The following FHAD1 variants were observed in gnomAD, a reference collection of about 807,000 sequenced individuals.
The protein encoded by FHAD1 is forkhead associated phosphopeptide binding domain 1.
Under a neutral mutation model 191.3 loss-of-function variants are expected in FHAD1, and 146 were observed. That is an observed-to-expected ratio of 0.76 (90% CI 0.67 to 0.88). FHAD1 has a LOEUF of 0.88. Ranked by LOEUF, FHAD1 falls within the 40% of genes least tolerant of loss-of-function variation. FHAD1 has a pLI of 0.00. For synonymous variants in FHAD1, 616 were observed against 672.3 expected (o/e 0.92, Z 1.29); for missense variants, 1,635 against 1,785.8 (o/e 0.92, Z 1.52).
chr1:15,237,338 G>A (rs183104045), intron 1 of FHAD1, among the ~76,000 whole-genome samples: 3 of 152,252 alleles, frequency 2.0e-5, no homozygotes, highest in East Asian at 1.9e-4. Context: ...CCACGGTTGC[G>A]TAGCCTCCCT....
chr1:15,329,657 C>T lies in FHAD1; in HGVS notation c.1906+116C>T, dbSNP rs183579750. ...CCTGGGTATCTGGCCAAGTCTATTC[C>T]CTTCTCCAGAACCCCCTGCTTCTCT... On this transcript the variant is annotated intron_variant, in intron 14 of 33. Coordinates refer to ENST00000688493, the MANE Select transcript of FHAD1 (RefSeq NM_001391957.1). This position sits in a 1 kb window ranked among gnomAD's most constrained non-coding sequence, Gnocchi z 5.0. The T allele has an allele frequency of 2.2e-6, 2 of 907,614 alleles. No homozygotes were observed. Among genetic ancestry groups the T allele is most frequent in the African/African-American group, 1.7e-5 (1 of 60,454 alleles). The allele number at this position is 907,614 out of a possible 1,614,324, so 56.2% of individuals were successfully genotyped here. A position where few individuals can be genotyped will look rare whatever the true frequency, so the allele number is the denominator to read the frequency against.
intron 28 of FHAD1, 84 bp from the exon 29 acceptor site, chr1:15,380,617 G>T: frequency 9.3e-7 from 1 of 1,080,840 alleles, no homozygotes; most frequent in Non-Finnish European, 1.4e-6. Context: ...TTAATCTTCG[G>T]TAATCACACA....
chr1:15,372,673 C>T (rs1040674332), intron 26 of FHAD1, among the ~76,000 whole-genome samples: 1 of 152,130 alleles, frequency 6.6e-6, no homozygotes, highest in Non-Finnish European at 1.5e-5. Flanking sequence ...TATTATCTTC[C>T]ATATCTATAG....
chr1:15,272,922 G>A (rs1293816024), intron 3 of FHAD1, among the ~76,000 whole-genome samples: 1 of 152,182 alleles, frequency 6.6e-6, no homozygotes, highest in Non-Finnish European at 1.5e-5. Context: ...ATATGCCCAG[G>A]TCTCTGCCTT....
intron 2 of FHAD1, among the ~76,000 whole-genome samples, chr1:15,252,850 A>G (rs1469264292): frequency 6.6e-6 from 1 of 152,246 alleles, no homozygotes; most frequent in Non-Finnish European, 1.5e-5. Flanking sequence ...AGAAGTTGAA[A>G]GAAGGAGAAT....
At chr1:15,368,851 T>C (rs976916290) in intron 25 of FHAD1, among the ~76,000 whole-genome samples, 3 of 152,054 alleles carry the variant, frequency 2.0e-5, no homozygotes, top group Admixed American at 6.5e-5. Flanking sequence ...GGCAGGAGAA[T>C]TGCTTGAACC....
At chr1:15,293,528 A>C (rs112707497) in intron 4 of FHAD1, among the ~76,000 whole-genome samples, 1 of 151,894 alleles carries the variant, frequency 6.6e-6, no homozygotes, top group Non-Finnish European at 1.5e-5. Flanking sequence ...GACCAGCCTG[A>C]CTAACATGGT....
intron 3 of FHAD1, among the ~76,000 whole-genome samples, chr1:15,283,961 G>A (rs1403981366): frequency 6.6e-6 from 1 of 152,208 alleles, no homozygotes. Context: ...GAAGCTCCAG[G>A]GGCACAGAGT....
intron 4 of FHAD1, among the ~76,000 whole-genome samples, chr1:15,291,452 T>C (rs1454504410): frequency 6.6e-6 from 1 of 152,226 alleles, no homozygotes; most frequent in South Asian, 2.1e-4. Context: ...ATCTTAATTT[T>C]AGATACATTT....
Position 15,251,629 on chromosome 1 carries a change from A to G in FHAD1, c.-14-142A>G, listed in dbSNP as rs576806728. On this transcript the variant is annotated intron_variant, in intron 1 of 33. Coordinates refer to ENST00000688493, the MANE Select transcript of FHAD1 (RefSeq NM_001391957.1). ...AGAATTGTCCTTGTCGTCATTGTTG[A>G]CTGATCTATCTAATCCCCCCTCTTC... The G allele has an allele frequency of 1.6e-3, 994 of 620,690 alleles. 1 individual carries two copies. The highest frequency in any genetic ancestry group is 3.6e-3 in the Admixed American group (114 of 31,292). 38.4% of individuals were successfully genotyped at this position (620,690 alleles called of 1,614,324 possible).
Position 15,329,468 on chromosome 1 carries a change from C to T in FHAD1, c.1833C>T (p.His611=), listed in dbSNP as rs1285952659. 1.4e-5 allele frequency: 22 copies of T among 1,551,176 alleles called. No homozygotes were observed. The highest frequency in any genetic ancestry group is 4.1e-5 in the African/African-American group (3 of 73,040). ...AGGTGGTGCTGGACGTCCTGAGGCACGCGCTGTCCTGGCTGGAGGAGGTGG... is the reference window on the plus strand; with the variant it reads ...AGGTGGTGCTGGACGTCCTGAGGCATGCGCTGTCCTGGCTGGAGGAGGTGG... ...LQKVVLDVLR[H]ALSWLEEVEQ... The change falls in exon 14 of 34, where the codon CAC becomes CAT. Residue 611 remains histidine (H), a synonymous_variant. Coordinates refer to ENST00000688493, the MANE Select transcript of FHAD1 (RefSeq NM_001391957.1). The surrounding 1 kb of genome is among the most constrained non-coding windows in gnomAD (Gnocchi z 5.0).
At chr1:15,268,272 T>C (rs1433950872) in intron 2 of FHAD1, among the ~76,000 whole-genome samples, 1 of 151,852 alleles carries the variant, frequency 6.6e-6, no homozygotes, top group Non-Finnish European at 1.5e-5. Flanking sequence ...TGCAATAGTT[T>C]AGTGAGAATG....
chr1:15,242,075 A>T (rs753889452), intron 1 of FHAD1, among the ~76,000 whole-genome samples: 1 of 152,080 alleles, frequency 6.6e-6, no homozygotes, highest in Admixed American at 6.5e-5. Context: ...TCTACTAAAA[A>T]TACAAAAAGT....
upstream of FHAD1, among the ~76,000 whole-genome samples, chr1:15,244,148 C>T (rs1475833745): frequency 1.3e-5 from 2 of 151,804 alleles, no homozygotes; most frequent in Non-Finnish European, 2.9e-5. This position sits in a 1 kb window ranked among gnomAD's most constrained non-coding sequence, Gnocchi z 5.1. Flanking sequence ...ATCATAAAAC[C>T]CTAAGTTATT....
chr1:15,274,425 C>T (rs762298954), intron 3 of FHAD1, among the ~76,000 whole-genome samples: 33 of 151,908 alleles, frequency 2.2e-4, no homozygotes, highest in Non-Finnish European at 3.4e-4. Context: ...CTGGGCAACA[C>T]GGTGAAACCC....
intron 3 of FHAD1, among the ~76,000 whole-genome samples, chr1:15,287,497 G>C (rs1428101763): frequency 6.6e-6 from 1 of 152,172 alleles, no homozygotes; most frequent in Non-Finnish European, 1.5e-5. Context: ...AGAGCAAGGG[G>C]GTGGGGAAAG....
intron 26 of FHAD1, among the ~76,000 whole-genome samples, chr1:15,372,393 A>G (rs1189610033): frequency 1.3e-5 from 2 of 152,190 alleles, no homozygotes; most frequent in South Asian, 2.1e-4. Context: ...CAAAGGAGGA[A>G]GAACAAACAG....
chr1:15,301,437 G>T lies in FHAD1; in HGVS notation c.911G>T (p.Ser304Ile). Reference sequence around the variant, plus strand: ...CAGAAAGAGATCCAGAGCTTGAAAAGCCAGGTAGGCAGAGCCTGAGAGGTA... The same window carrying T: ...CAGAAAGAGATCCAGAGCTTGAAAATCCAGGTAGGCAGAGCCTGAGAGGTA... ...AKQKEIQSLK[S>I]QISALQKGYS... The change falls in exon 6 of 34, where the codon AGC (serine) becomes ATC (isoleucine). Residue 304 changes from serine to isoleucine, a missense_variant. Physicochemically the swap from Ser to Ile is moderately radical, Grantham distance 142 (BLOSUM62 -2). Coordinates refer to ENST00000688493, the MANE Select transcript of FHAD1 (RefSeq NM_001391957.1). 1 of 1,551,590 alleles carries T rather than the reference G, an allele frequency of 6.4e-7. No homozygotes were observed. The highest frequency in any genetic ancestry group is 8.7e-7 in the Non-Finnish European group (1 of 1,146,978).
chr1:15,319,259 G>A (rs1438178121), intron 10 of FHAD1, among the ~76,000 whole-genome samples: 1 of 152,216 alleles, frequency 6.6e-6, no homozygotes, highest in East Asian at 1.9e-4. Flanking sequence ...ATATGAATGT[G>A]AGTATAGTCA....
Sources: gnomAD v4.1 joint callset for allele counts (sites outside exome capture counted in the v4.1 genomes callset) on GRCh38, gnomAD v4.1.1 for gene constraint, Gnocchi (gnomAD v3.1) non-coding constraint, MANE v1.5 for transcripts, NCBI Gene and HGNC (gene_info 2026-07-23, HGNC 2026-07-21) for gene names.